SLC30A4: variants seen among roughly 807,000 people sequenced by gnomAD.
SLC30A4 encodes the protein solute carrier family 30 member 4.
Under a neutral mutation model 41.7 loss-of-function variants are expected in SLC30A4, and 20 were observed. The ratio of observed to expected loss-of-function variants is 0.48; its 90% confidence interval spans 0.34 to 0.70. SLC30A4 has a LOEUF of 0.70. SLC30A4 is among the 30% of genes least tolerant of loss of function. The probability of loss-of-function intolerance (pLI) is 0.01; values close to 1 mark genes in which losing one functional copy is unlikely to be tolerated. For synonymous variants in SLC30A4, 181 were observed against 195.9 expected, an observed-to-expected ratio of 0.92 and a Z score of 0.64; for missense variants, 441 against 529.3, an observed-to-expected ratio of 0.83 and a Z score of 1.64.
intron 2 of SLC30A4, chr15:45,519,735 C>A (rs1303530961): frequency 2.0e-5 from 3 of 152,140 alleles, no homozygotes; most frequent in African/African-American, 4.8e-5. Context: ...GAAGTCAAGA[C>A]AATTATATCT....
chr15:45,510,542 C>A (rs955949156), intron 3 of SLC30A4, among the ~76,000 whole-genome samples: 2 of 152,124 alleles, frequency 1.3e-5, no homozygotes, highest in Non-Finnish European at 2.9e-5. Flanking sequence ...TTATTTTATA[C>A]ATATTTTCAA....
chr15:45,500,932 C>T lies in SLC30A4; in HGVS notation c.539-10051G>A, dbSNP rs113804014. Among the ~76,000 whole-genome samples, 556 of 151,896 alleles carry T rather than the reference C, an allele frequency of 3.7e-3. 4 individuals are homozygous for T. The highest frequency in any genetic ancestry group is 0.013 in the African/African-American group (529 of 41,486). The stretch of plus-strand genomic sequence containing the variant: ...CTTTTGACCTCAGGTGATCCACCCT[C>T]CTCGGCCTCCCAAAGTGCTGGGATT... On this transcript the variant is annotated intron_variant, in intron 3 of 7. Transcript: ENST00000261867.
At chr15:45,494,483 G>A (rs1891870618) in intron 3 of SLC30A4, among the ~76,000 whole-genome samples, 1 of 151,994 alleles carries the variant, frequency 6.6e-6, no homozygotes, top group African/African-American at 2.4e-5. Context: ...TCAGGAGTTC[G>A]AGACCAGCCT....
In SLC30A4 at chr15:45,509,895, G is replaced by A. The variant is rs547123190; in HGVS notation, c.538+1243C>T. Among the ~76,000 whole-genome samples, 21 of 152,044 alleles carry A rather than the reference G, an allele frequency of 1.4e-4. No homozygotes were observed. In the East Asian group the frequency reaches 3.9e-3, roughly 28 times the overall value. ...GCAAAGGATGACCCCCTTGTAGGTAGGCCCTGTCTCTACAAAAATCACAAA... is the reference window on the plus strand; with the variant it reads ...GCAAAGGATGACCCCCTTGTAGGTAAGCCCTGTCTCTACAAAAATCACAAA... On this transcript the variant is annotated intron_variant, in intron 3 of 7. Transcript: ENST00000261867.
rs554312389 is a variant in SLC30A4, at chr15:45,489,771, A to G, written c.693-729T>C. Among the ~76,000 whole-genome samples, 190 of 152,268 alleles carry G rather than the reference A, an allele frequency of 1.2e-3. 1 individual carries two copies. The highest frequency in any genetic ancestry group is 4.2e-3 in the African/African-American group (176 of 41,546). ...GTACCCTAAAACTTAAAGTATAATA[A>G]TAATAAAATTTAGAAAAAAATTCAT... On this transcript the variant is annotated intron_variant, in intron 4 of 7. Transcript: ENST00000261867.
At chr15:45,485,701 C>T (rs1891687473) in intron 7 of SLC30A4, among the ~76,000 whole-genome samples, 1 of 151,098 alleles carries the variant, frequency 6.6e-6, no homozygotes, top group Non-Finnish European at 1.5e-5. Flanking sequence ...TAGAAAAGAG[C>T]ATGGGAAATA....
At chr15:45,500,618 A>G (rs3110168) in intron 3 of SLC30A4, among the ~76,000 whole-genome samples, 5,485 of 21,124 alleles carry the variant, frequency 0.26, 139 homozygotes, top group Middle Eastern at 0.38. Flanking sequence ...GGGTCTGTCT[A>G]TCTATCTATC....
At chr15:45,485,452 G>T in intron 7 of SLC30A4, 135 bp from the exon 8 acceptor site, 1 of 598,492 alleles carries the variant, frequency 1.7e-6, no homozygotes, top group Non-Finnish European at 2.8e-6. Context: ...AAGCTATTCT[G>T]TTAGATAAGT....
intron 3 of SLC30A4, among the ~76,000 whole-genome samples, chr15:45,492,529 T>C (rs1401350610): frequency 6.6e-6 from 1 of 152,106 alleles, no homozygotes; most frequent in African/African-American, 2.4e-5. Flanking sequence ...TATTCATGCC[T>C]TCATGAAGGC....
chr15:45,489,360 T>G (rs1442755651), intron 4 of SLC30A4, among the ~76,000 whole-genome samples: 1 of 151,904 alleles, frequency 6.6e-6, no homozygotes, highest in Non-Finnish European at 1.5e-5. Context: ...GGCAGAGTGG[T>G]AAGGGAAGGC....
intron 3 of SLC30A4, among the ~76,000 whole-genome samples, chr15:45,509,609 G>A (rs1051103573): frequency 1.3e-5 from 2 of 152,072 alleles, no homozygotes; most frequent in African/African-American, 4.8e-5. Context: ...ACTTCACTTG[G>A]GGCTTTAGCT....
chr15:45,522,052 CTGTT>C lies in SLC30A4; in HGVS notation c.299_302del (p.Lys100ArgfsTer5), dbSNP rs1279438278. On this transcript the variant is annotated frameshift_variant, in exon 2 of 8. Coordinates refer to ENST00000261867, the MANE Select transcript of SLC30A4 (RefSeq NM_013309.6). LOFTEE classifies it high-confidence loss of function. ...CCTTTCTCTGCTTCAGTATCTCTCT[CTGTT>C]TGCTGCAGTTGTCACAGGAGTCCAC... The C allele has an allele frequency of 4.3e-6, 7 of 1,614,114 alleles. No individual in the cohort carries two copies. The highest frequency in any genetic ancestry group is 1.3e-5 in the African/African-American group (1 of 74,946).
chr15:45,488,551 C>A (rs979662686), intron 5 of SLC30A4, among the ~76,000 whole-genome samples: 2 of 151,318 alleles, frequency 1.3e-5, no homozygotes, highest in African/African-American at 4.9e-5. Flanking sequence ...CCAGCCTGGG[C>A]GAGAAAGTGA....
In SLC30A4 at chr15:45,488,980, T is replaced by G. The variant is rs767095765; in HGVS notation, c.755A>C (p.Asn252Thr). Residue 252 changes from asparagine (N) to threonine (T), a missense_variant, in exon 5 of 8, where the codon AAT becomes ACT. By Grantham distance (65) the Asn-to-Thr change is moderately conservative. Coordinates refer to ENST00000261867, the MANE Select transcript of SLC30A4 (RefSeq NM_013309.6). ...RHSHSHSLPS[N>T]SPTRGSGCER... is the part of the protein sequence containing the mutation. ...ACACCCAGAACCTCTGGTAGGGGAA[T>G]TTGAAGGCAGGGAGTGGGAATGGGA... 23 of 1,613,962 alleles carry G rather than the reference T, an allele frequency of 1.4e-5. No homozygotes were observed. In the African/African-American group the frequency reaches 2.1e-4, roughly 15 times the overall value.
chr15:45,514,914 C>A (rs1055397897), intron 2 of SLC30A4, among the ~76,000 whole-genome samples: 1 of 152,072 alleles, frequency 6.6e-6, no homozygotes, highest in South Asian at 2.1e-4. Context: ...GGGTCTTGCT[C>A]TGTTGTCCAG....
intron 2 of SLC30A4, chr15:45,519,270 C>G (rs1396950674): frequency 6.6e-6 from 1 of 152,158 alleles, no homozygotes; most frequent in African/African-American, 2.4e-5. Flanking sequence ...CAGAGTCCCA[C>G]TCTGTCACCC....
chr15:45,501,485 C>T (rs773303574), intron 3 of SLC30A4, among the ~76,000 whole-genome samples: 25 of 152,110 alleles, frequency 1.6e-4, no homozygotes, highest in Admixed American at 3.9e-4. Context: ...ATTTATTCAG[C>T]CTGAATACGC....
At chr15:45,512,129 C>G (rs1050363670) in intron 2 of SLC30A4, among the ~76,000 whole-genome samples, 5 of 152,104 alleles carry the variant, frequency 3.3e-5, no homozygotes, top group Non-Finnish European at 7.3e-5. Context: ...TTTTTGTTAT[C>G]GATTTTCCAG....
chr15:45,520,909 TAGA>T lies in SLC30A4; in HGVS notation c.391+1052_391+1054del. On this transcript the variant is annotated intron_variant, in intron 2 of 7. Coordinates refer to ENST00000261867, the MANE Select transcript of SLC30A4 (RefSeq NM_013309.6). The stretch of plus-strand genomic sequence containing the variant: ...AAAAAATGTTTGAAAGCCACTGAGA[TAGA>T]AGGACCAGCCACTTTGAACGCCTTA... The T allele has an allele frequency of 7.7e-6, 3 of 392,112 alleles. 1 individual carries two copies. Among genetic ancestry groups the T allele is most frequent in the Middle Eastern group, 7.3e-4 (2 of 2,728 alleles). 24.3% of individuals were successfully genotyped at this position (392,112 alleles called of 1,614,324 possible).
Sources: gnomAD v4.1 joint callset for allele counts (sites outside exome capture counted in the v4.1 genomes callset) on GRCh38, gnomAD v4.1.1 for gene constraint, MANE v1.5 for transcripts, NCBI Gene and HGNC (gene_info 2026-07-23, HGNC 2026-07-21) for gene names.